Variants in ZCCHC14 observed in about 807,000 individuals in gnomAD.
ZCCHC14 encodes zinc finger CCHC-type containing 14, also known as zinc finger CCHC domain-containing protein 14.
In ZCCHC14, 16 loss-of-function variants were observed where a neutral mutation model predicts 85.0. The observed-to-expected ratio is 0.19, with a 90% confidence interval of 0.13 to 0.29. The LOEUF (loss-of-function observed/expected upper bound fraction) is 0.29. Among genes scored for constraint, ZCCHC14 ranks in the 10% least tolerant of loss-of-function variants. The pLI, the probability that ZCCHC14 is intolerant of heterozygous loss-of-function variation, is 1.00. For missense variants in ZCCHC14, 1,303 were observed against 1,443.5 expected, an observed-to-expected ratio of 0.90 and a Z score of 1.58; for synonymous variants, 775 against 630.7, an observed-to-expected ratio of 1.23 and a Z score of -3.43.
At chr16:87,445,410 T>C (rs911381495) in intron 2 of ZCCHC14, among the ~76,000 whole-genome samples, 4 of 152,202 alleles carry the variant, frequency 2.6e-5, no homozygotes, top group African/African-American at 9.6e-5. Flanking sequence ...CCTCAGTGTG[T>C]ACCATCAGAA....
intron 1 of ZCCHC14, among the ~76,000 whole-genome samples, chr16:87,474,529 T>C (rs1181017461): frequency 6.6e-6 from 1 of 152,088 alleles, no homozygotes; most frequent in African/African-American, 2.4e-5. Flanking sequence ...CAGATAACTA[T>C]AAACTCTGGA....
chr16:87,477,451 C>T (rs1241088896), intron 1 of ZCCHC14, among the ~76,000 whole-genome samples: 3 of 152,240 alleles, frequency 2.0e-5, no homozygotes, highest in Non-Finnish European at 2.9e-5. Context: ...GATGAGGTCA[C>T]ACTCCCTACT....
chr16:87,489,677 G>C (rs1045465711), intron 1 of ZCCHC14, among the ~76,000 whole-genome samples: 10 of 152,186 alleles, frequency 6.6e-5, no homozygotes, highest in African/African-American at 2.4e-4. Flanking sequence ...TTGGGACTGG[G>C]GTGTAGCGGG....
intron 2 of ZCCHC14, among the ~76,000 whole-genome samples, chr16:87,448,249 CCA>C (rs1910532266): frequency 6.6e-6 from 1 of 152,174 alleles, no homozygotes; most frequent in Non-Finnish European, 1.5e-5. Flanking sequence ...ACTTGGCTTG[CCA>C]CAGTCCTCTG....
rs1217499753 is a variant in ZCCHC14 at position 87,413,141 on chromosome 16, G to A, written c.1658C>T (p.Ser553Phe). Residue 553 changes from serine (S) to phenylalanine (F), a missense_variant, in exon 11 of 13, where the codon TCC (serine) becomes TTC (phenylalanine). Physicochemically the swap from Ser to Phe is radical, Grantham distance 155. Coordinates refer to ENST00000671377, the MANE Select transcript of ZCCHC14 (RefSeq NM_015144.3). ...GGAGGAGGAGCTGGAGTACTCCGAG[G>A]AACTGCCTTCCCGGGGCAGCTGGTG... is the stretch of plus-strand genomic sequence containing the variant. ...PHHQLPREGS[S>F]SEYSSSSSSP... The A allele has an allele frequency of 5.0e-6, 8 of 1,610,134 alleles. No individual in the cohort carries two copies. Among genetic ancestry groups the A allele is most frequent in the South Asian group, 2.2e-5 (2 of 90,654 alleles).
chr16:87,477,153 C>CAAAAAAAAAAAAAA (rs1412376609), intron 1 of ZCCHC14, among the ~76,000 whole-genome samples: 22 of 116,208 alleles, frequency 1.9e-4, no homozygotes, highest in African/African-American at 9.4e-4. Flanking sequence ...AAAACAAAAC[C>CAAAAAAAAAAAAAA]AAAAAAAAAT....
intron 2 of ZCCHC14, among the ~76,000 whole-genome samples, chr16:87,458,233 C>T (rs548996129): frequency 2.0e-5 from 3 of 152,086 alleles, no homozygotes; most frequent in East Asian, 1.9e-4. Context: ...ACAAAGGAAG[C>T]GGCACTCCAC....
At position 87,407,740 on chromosome 16, in the gene ZCCHC14, GGTCA is replaced by G. The variant is rs1908265785; in HGVS notation, c.*2536_*2539del. 1 of 152,250 alleles carries G rather than the reference GGTCA, an allele frequency of 6.6e-6. No individual in the cohort carries two copies. Among genetic ancestry groups the G allele is most frequent in the African/African-American group, 2.4e-5 (1 of 41,458 alleles). The allele number at this position is 152,250 out of a possible 1,614,324, so 9.4% of individuals were successfully genotyped here. A position where few individuals can be genotyped will look rare whatever the true frequency, so the allele number is the denominator to read the frequency against. On this transcript the variant is annotated 3_prime_UTR_variant, in exon 13 of 13. Coordinates refer to ENST00000671377, the MANE Select transcript of ZCCHC14 (RefSeq NM_015144.3). ...AGGAAAATGACTAAGTACTTGAAAG[GGTCA>G]GTATGTTCTGTGTTTTCAGATGAGG...
At chr16:87,413,034 G>T in intron 11 of ZCCHC14, 21 bp downstream of exon 11, 1 of 1,614,184 alleles carries the variant, frequency 6.2e-7, no homozygotes, top group Non-Finnish European at 8.5e-7. Context: ...GGTCGAGCCA[G>T]CGCCGCGCAC....
intron 3 of ZCCHC14, among the ~76,000 whole-genome samples, chr16:87,426,168 G>A (rs1056876181): frequency 2.0e-5 from 3 of 152,272 alleles, no homozygotes; most frequent in South Asian, 2.1e-4. Flanking sequence ...CAGCAGCCAC[G>A]ATCCAGACCC....
chr16:87,435,564 T>C (rs1909881192), intron 2 of ZCCHC14, among the ~76,000 whole-genome samples: 1 of 152,246 alleles, frequency 6.6e-6, no homozygotes, highest in South Asian at 2.1e-4. Flanking sequence ...AACCCTGCGC[T>C]GAACCAACCA....
At chr16:87,416,421 A>C (rs1908785507) in intron 8 of ZCCHC14, among the ~76,000 whole-genome samples, 1 of 152,138 alleles carries the variant, frequency 6.6e-6, no homozygotes, top group African/African-American at 2.4e-5. Flanking sequence ...AACATTTAAA[A>C]CTAATTATGA....
chr16:87,486,387 C>T (rs1273626946), intron 1 of ZCCHC14, among the ~76,000 whole-genome samples: 3 of 152,220 alleles, frequency 2.0e-5, no homozygotes, highest in Non-Finnish European at 2.9e-5. Flanking sequence ...GTTACAACTG[C>T]CTATGGTATT....
chr16:87,461,347 T>C (rs1911248769), intron 1 of ZCCHC14, among the ~76,000 whole-genome samples: 1 of 152,224 alleles, frequency 6.6e-6, no homozygotes, highest in Non-Finnish European at 1.5e-5. Context: ...AACACATTTA[T>C]AACTTATAGG....
chr16:87,481,545 G>C (rs1567544368), intron 1 of ZCCHC14, among the ~76,000 whole-genome samples: 2 of 56,190 alleles, frequency 3.6e-5, no homozygotes, highest in African/African-American at 1.2e-4. Context: ...GGGGGGGTGG[G>C]GGGGGGGAAG....
intron 3 of ZCCHC14, among the ~76,000 whole-genome samples, chr16:87,429,714 C>A (rs184137223): frequency 1.3e-5 from 2 of 151,916 alleles, no homozygotes; most frequent in Admixed American, 1.3e-4. Flanking sequence ...TCAAGCAATT[C>A]TCCTGCCTCA....
chr16:87,452,187 G>C (rs76999303), intron 2 of ZCCHC14, among the ~76,000 whole-genome samples: 2,471 of 152,348 alleles, frequency 0.016, 25 homozygotes, highest in Middle Eastern at 0.048. Flanking sequence ...AACAATGATA[G>C]CCTTGCAGGG....
intron 1 of ZCCHC14, among the ~76,000 whole-genome samples, chr16:87,481,539 GGGTGGGGGGGGGGA>G (rs1567544356): frequency 1.5e-4 from 5 of 33,884 alleles, no homozygotes; most frequent in Non-Finnish European, 4.0e-4. Context: ...GGGGGGGGGG[GGGTGGGGGGGGGGA>G]AGGGTAAGCG....
chr16:87,463,072 GAAAAAGAA>G (rs1240966122), intron 1 of ZCCHC14, among the ~76,000 whole-genome samples: 5 of 149,418 alleles, frequency 3.3e-5, no homozygotes, highest in African/African-American at 9.9e-5. Flanking sequence ...CTGTCTCAAA[GAAAAAGAA>G]AAAAAGAAAA....
Sources: gnomAD v4.1 joint callset for allele counts (sites outside exome capture counted in the v4.1 genomes callset) on GRCh38, gnomAD v4.1.1 for gene constraint, MANE v1.5 for transcripts, NCBI Gene and HGNC (gene_info 2026-07-23, HGNC 2026-07-21) for gene names.